The following PRSS56 variants were observed in gnomAD, a reference collection of about 807,000 sequenced individuals.
PRSS56 encodes protease, serine 56.
A neutral mutation model predicts 66.8 loss-of-function variants in PRSS56; 55 were observed. That is an observed-to-expected ratio of 0.82 (90% CI 0.66 to 1.03). PRSS56 has a LOEUF of 1.03. Ranked by LOEUF, PRSS56 falls within the 50% of genes least tolerant of loss-of-function variation. The probability of loss-of-function intolerance (pLI) is 0.00; values close to 1 mark genes in which losing one functional copy is unlikely to be tolerated. For synonymous variants in PRSS56, 409 were observed against 387.9 expected (o/e 1.05, Z -0.64); for missense variants, 869 against 837.2 (o/e 1.04, Z -0.47).
Position 232,521,574 on chromosome 2 carries a change from T to A in PRSS56, c.205+146T>A, listed in dbSNP as rs1035306278. 5.0e-6 allele frequency: 4 copies of A among 802,614 alleles called. No homozygotes were observed. The African/African-American group carries it at 6.7e-5, about 14-fold the overall frequency. 49.7% of individuals were successfully genotyped at this position (802,614 alleles called of 1,614,324 possible). ...GCAACCTAGACTACGTTTGTGAAGG[T>A]CTGTCTCTCCGAGTGGAAAGGACAC... On this transcript the variant is annotated intron_variant, in intron 2 of 12. Transcript: ENST00000617714.
intron 11 of PRSS56, 127 bp downstream of exon 11, chr2:232,524,496 C>T: frequency 1.1e-6 from 1 of 915,808 alleles, no homozygotes; most frequent in South Asian, 1.7e-5. Context: ...TCGTTCTCCC[C>T]TCCCCGCCAT....
Position 232,524,817 on chromosome 2 carries a change from G to A in PRSS56, c.1494G>A (p.Ser498=), listed in dbSNP as rs2106203387. Residue 498 remains serine, a synonymous_variant, in exon 12 of 13, where the codon TCG becomes TCA. Transcript: ENST00000617714. ...GAHAWILQVP[S]EHLAMNFHEV... is the part of the protein sequence containing the mutation. ...ATGCCTGGATCCTGCAGGTCCCCTC[G>A]GAGCACCTGGCCATGAACTTTCATG... The A allele has an allele frequency of 1.3e-6, 2 of 1,535,660 alleles. No homozygotes were observed. Among genetic ancestry groups the A allele is most frequent in the Non-Finnish European group, 1.7e-6 (2 of 1,146,598 alleles).
chr2:232,524,234 C>T (rs1691353938), intron 10 of PRSS56, 31 bp downstream of exon 10: 2 of 1,534,314 alleles, frequency 1.3e-6, no homozygotes, highest in Non-Finnish European at 1.7e-6. Flanking sequence ...CAGCCCAGCC[C>T]TGGCCCGGCC....
At chr2:232,524,905 G>C in intron 12 of PRSS56, 61 bp downstream of exon 12, 2 of 1,350,428 alleles carry the variant, frequency 1.5e-6, no homozygotes, top group South Asian at 2.5e-5. Context: ...ACCCAGCCCA[G>C]GGAAGATGCA....
chr2:232,524,151 A>G lies in PRSS56; in HGVS notation c.1299A>G (p.Pro433=). 6.6e-7 allele frequency: 1 copy of G among 1,516,082 alleles called. No homozygotes were observed. The highest frequency in any genetic ancestry group is 8.8e-7 in the Non-Finnish European group (1 of 1,138,656). The allele number at this position is 1,516,082 out of a possible 1,614,324, so 93.9% of individuals were successfully genotyped here. A position where few individuals can be genotyped will look rare whatever the true frequency, so the allele number is the denominator to read the frequency against. Reference sequence around the variant, plus strand: ...CCCCCGCCCTGGCTCTCCCCGCTCCAGCGCTCAGGGAGTCTCCTCTGCACC... The same window carrying G: ...CCCCCGCCCTGGCTCTCCCCGCTCCGGCGCTCAGGGAGTCTCCTCTGCACC... ...RLAPALALPA[P]ALRESPLHPA... The change falls in exon 10 of 13, where the codon CCA becomes CCG. Residue 433 remains proline (P), a synonymous_variant. Coordinates refer to ENST00000617714, the MANE Select transcript of PRSS56 (RefSeq NM_001195129.2).
chr2:232,521,180 A>C (rs1019818154), intron 1 of PRSS56, 141 bp from the exon 2 acceptor site: 38 of 640,742 alleles, frequency 5.9e-5, no homozygotes, highest in Non-Finnish European at 8.8e-5. Flanking sequence ...TGCTGGGCCC[A>C]GCGTCCCCGG....
Position 232,521,436 on chromosome 2 carries a change from C to A in PRSS56, c.205+8C>A, listed in dbSNP as rs1451277176. The A allele has an allele frequency of 6.5e-7, 1 of 1,533,442 alleles. No homozygotes were observed. Among genetic ancestry groups the A allele is most frequent in the Non-Finnish European group, 8.7e-7 (1 of 1,144,508 alleles). 95.0% of individuals were successfully genotyped at this position (1,533,442 alleles called of 1,614,324 possible). A position where few individuals can be genotyped will look rare whatever the true frequency, so the allele number is the denominator to read the frequency against. ...GATCGCACGAGTGCCGAGGTGCCCA[C>A]CCTGCCCCCCGTGCCCCAGTGAGCT... On this transcript the variant is annotated splice_region_variant and intron_variant, in intron 2 of 12. Coordinates refer to ENST00000617714, the MANE Select transcript of PRSS56 (RefSeq NM_001195129.2).
At position 232,523,500 on chromosome 2, in the gene PRSS56, G is replaced by T; in HGVS notation, c.934G>T (p.Gly312Cys). The change falls in exon 8 of 13, where the codon GGC becomes TGC. Residue 312 changes from glycine (G) to cysteine (C), a missense_variant. Gly to Cys is a radical substitution (Grantham distance 159, BLOSUM62 -3). Transcript: ENST00000617714. ...VLFGVTSWGD[G>C]CGEPGKPGVY... ...GTTCGGAGTCACCTCCTGGGGGGACGGCTGCGGGGAGCCAGGGAAGCCCGG... is the reference window on the plus strand; with the variant it reads ...GTTCGGAGTCACCTCCTGGGGGGACTGCTGCGGGGAGCCAGGGAAGCCCGG... 6.5e-7 allele frequency: 1 copy of T among 1,531,692 alleles called. No individual in the cohort carries two copies. The highest frequency in any genetic ancestry group is 8.7e-7 in the Non-Finnish European group (1 of 1,144,924). The allele number at this position is 1,531,692 out of a possible 1,614,324, so 94.9% of individuals were successfully genotyped here.
In PRSS56 at chr2:232,523,596, A is replaced by C; in HGVS notation, c.1012+18A>C. ...GATGAGCGGTGAGCGCCCTCTTTCCAATGCCCCGTCCCCAGTGCCCCAACG... is the reference window on the plus strand; with the variant it reads ...GATGAGCGGTGAGCGCCCTCTTTCCCATGCCCCGTCCCCAGTGCCCCAACG... On this transcript the variant is annotated intron_variant, in intron 8 of 12. Transcript: ENST00000617714. The C allele has an allele frequency of 1.3e-6, 2 of 1,513,394 alleles. No individual in the cohort carries two copies. The highest frequency in any genetic ancestry group is 2.0e-5 in the Admixed American group (1 of 48,858). The allele number at this position is 1,513,394 out of a possible 1,614,324, so 93.7% of individuals were successfully genotyped here.
intron 4 of PRSS56, 84 bp downstream of exon 4, chr2:232,522,244 C>CAT: frequency 7.9e-7 from 1 of 1,260,774 alleles, no homozygotes; most frequent in Admixed American, 3.4e-5. Flanking sequence ...GGGCGACGCG[C>CAT]GGGAAAGGTG....
At position 232,521,432 on chromosome 2, in the gene PRSS56, C is replaced by G; in HGVS notation, c.205+4C>G. 6.5e-7 allele frequency: 1 copy of G among 1,533,606 alleles called. No individual in the cohort carries two copies. Among genetic ancestry groups the G allele is most frequent in the South Asian group, 1.2e-5 (1 of 83,992 alleles). 95.0% of individuals were successfully genotyped at this position (1,533,606 alleles called of 1,614,324 possible). On this transcript the variant is annotated splice_donor_region_variant and intron_variant, in intron 2 of 12. Coordinates refer to ENST00000617714, the MANE Select transcript of PRSS56 (RefSeq NM_001195129.2). ...CACAGATCGCACGAGTGCCGAGGTG[C>G]CCACCCTGCCCCCCGTGCCCCAGTG...
chr2:232,523,760 C>T lies in PRSS56; in HGVS notation c.1013-12C>T, dbSNP rs1691336380. 2 of 1,533,968 alleles carry T rather than the reference C, an allele frequency of 1.3e-6. No individual in the cohort carries two copies. The highest frequency in any genetic ancestry group is 2.0e-5 in the Admixed American group (1 of 50,980). On this transcript the variant is annotated splice_polypyrimidine_tract_variant and intron_variant, in intron 8 of 12. Transcript: ENST00000617714. ...ACAGAGGGTGAGCTGACCCCTGTCC[C>T]GCCCGCAGCAGCCTCCTCCAGCCGC... is the stretch of plus-strand genomic sequence containing the variant.
At position 232,522,524 on chromosome 2, in the gene PRSS56, T is replaced by A; in HGVS notation, c.456T>A (p.Asn152Lys). 6.6e-7 allele frequency: 1 copy of A among 1,519,836 alleles called. No individual in the cohort carries two copies. Among genetic ancestry groups the A allele is most frequent in the Non-Finnish European group, 8.8e-7 (1 of 1,134,556 alleles). The allele number at this position is 1,519,836 out of a possible 1,614,324, so 94.1% of individuals were successfully genotyped here. Residue 152 changes from asparagine (N) to lysine (K), a missense_variant, in exon 5 of 13, where the codon AAT (asparagine) becomes AAA (lysine). Physicochemically the swap from Asn to Lys is moderately conservative, Grantham distance 94 (BLOSUM62 0). Coordinates refer to ENST00000617714, the MANE Select transcript of PRSS56 (RefSeq NM_001195129.2). ...GCCGCTCGACCCGCAGCGCCCCGAA[T>A]GAGCTTCTGTGGACTGTGACGCTGG... ...TAAHCFVGAP[N>K]ELLWTVTLAE... is the part of the protein sequence containing the mutation.
rs1223260224 is a variant in PRSS56 at position 232,523,821 on chromosome 2, C to T, written c.1062C>T (p.Pro354=). The T allele has an allele frequency of 1.3e-6, 2 of 1,533,542 alleles. No homozygotes were observed. The highest frequency in any genetic ancestry group is 1.2e-5 in the South Asian group (1 of 83,960). The allele number at this position is 1,533,542 out of a possible 1,614,324, so 95.0% of individuals were successfully genotyped here. A position where few individuals can be genotyped will look rare whatever the true frequency, so the allele number is the denominator to read the frequency against. ...PSCRELLAWD[P]PQELQADAAR... ...GCAGGGAGCTTCTGGCCTGGGACCC[C>T]CCCCAGGAGCTGCAGGCAGACGCCG... The change falls in exon 9 of 13, where the codon CCC becomes CCT. Residue 354 remains proline, a synonymous_variant. Coordinates refer to ENST00000617714, the MANE Select transcript of PRSS56 (RefSeq NM_001195129.2).
Position 232,525,427 on chromosome 2 carries a change from A to T in PRSS56, c.1733A>T (p.Asp578Val). ...GGGGAGCCCGAGGGACCCTGGATGGATGTAGGGCAGGGGCCCGGGCTGGAG... is the reference window on the plus strand; with the variant it reads ...GGGGAGCCCGAGGGACCCTGGATGGTTGTAGGGCAGGGGCCCGGGCTGGAG... ...AEGEPEGPWM[D>V]VGQGPGLERK... The change falls in exon 13 of 13, where the codon GAT (aspartate) becomes GTT (valine). Residue 578 changes from aspartate (D) to valine (V), a missense_variant. Transcript: ENST00000617714. 1 of 1,533,094 alleles carries T rather than the reference A, an allele frequency of 6.5e-7. No homozygotes were observed. Among genetic ancestry groups the T allele is most frequent in the Non-Finnish European group, 8.7e-7 (1 of 1,145,502 alleles). 95.0% of individuals were successfully genotyped at this position (1,533,094 alleles called of 1,614,324 possible).
Position 232,524,826 on chromosome 2 carries a change from G to C in PRSS56, c.1503G>C (p.Leu501=), listed in dbSNP as rs890582892. The change falls in exon 12 of 13, where the codon CTG becomes CTC. Residue 501 remains leucine, a synonymous_variant. Transcript: ENST00000617714. ...AWILQVPSEH[L]AMNFHEVLAD... Reference sequence around the variant, plus strand: ...TCCTGCAGGTCCCCTCGGAGCACCTGGCCATGAACTTTCATGAGGTAGGTC... The same window carrying C: ...TCCTGCAGGTCCCCTCGGAGCACCTCGCCATGAACTTTCATGAGGTAGGTC... The C allele has an allele frequency of 3.9e-6, 6 of 1,535,364 alleles. No homozygotes were observed. The highest frequency in any genetic ancestry group is 5.2e-6 in the Non-Finnish European group (6 of 1,146,428).
Position 232,525,650 on chromosome 2 carries a change from G to A in PRSS56, c.*144G>A, listed in dbSNP as rs893241613. The A allele has an allele frequency of 5.1e-6, 3 of 588,846 alleles. No individual in the cohort carries two copies. The highest frequency in any genetic ancestry group is 8.4e-6 in the Non-Finnish European group (3 of 358,924). 36.5% of individuals were successfully genotyped at this position (588,846 alleles called of 1,614,324 possible). ...GGGGTGGGGGTCCTGGGCCCCCCGT[G>A]TCTTCCCAGGTTTACAATCAGAGAA... is the stretch of plus-strand genomic sequence containing the variant. On this transcript the variant is annotated 3_prime_UTR_variant, in exon 13 of 13. Transcript: ENST00000617714.
intron 2 of PRSS56, 137 bp from the exon 3 acceptor site, chr2:232,521,679 T>C (rs1691280353): frequency 1.2e-5 from 11 of 912,234 alleles, no homozygotes; most frequent in Non-Finnish European, 1.5e-5. Context: ...GAGAAGTTCA[T>C]GGTTGCTGAA....
chr2:232,523,432 C>A lies in PRSS56; in HGVS notation c.866C>A (p.Pro289His). ...VDSCQGDSGG[P>H]LTCSEPGPRP... is the part of the protein sequence containing the mutation. ...GCCCCGCAGGGTGACTCGGGAGGCC[C>A]CCTGACCTGTTCTGAGCCTGGCCCC... The change falls in exon 8 of 13, where the codon CCC (proline) becomes CAC (histidine). Residue 289 changes from proline (P) to histidine (H), a missense_variant. This residue lies in a region of PRSS56 where 551 missense variants were observed against 506.9 expected (regional missense o/e 1.09). Coordinates refer to ENST00000617714, the MANE Select transcript of PRSS56 (RefSeq NM_001195129.2). 6.8e-7 allele frequency: 1 copy of A among 1,474,018 alleles called. No homozygotes were observed. Among genetic ancestry groups the A allele is most frequent in the Non-Finnish European group, 9.0e-7 (1 of 1,115,764 alleles). The allele number at this position is 1,474,018 out of a possible 1,614,324, so 91.3% of individuals were successfully genotyped here.
Sources: allele counts gnomAD v4.1 joint callset, GRCh38; gene constraint gnomAD v4.1.1; regional missense constraint gnomAD v4.1.1; transcripts MANE v1.5; gene names NCBI Gene and HGNC (gene_info 2026-07-23, HGNC 2026-07-21).